The following MGAT4C variants were observed in gnomAD, a reference collection of about 807,000 sequenced individuals.
MGAT4C encodes alpha-1,3-mannosyl-glycoprotein 4-beta-N-acetylglucosaminyltransferase C.
Under a neutral mutation model 40.1 loss-of-function variants are expected in MGAT4C, and 19 were observed. The observed-to-expected ratio is 0.47, with a 90% CI of 0.33 to 0.70. The LOEUF is 0.70. Ranked by LOEUF, MGAT4C falls within the 30% of genes least tolerant of loss-of-function variation. The probability of loss-of-function intolerance (pLI) is 0.02; values close to 1 mark genes in which losing one functional copy is unlikely to be tolerated. For missense variants in MGAT4C, 491 were observed against 563.2 expected, an observed-to-expected ratio of 0.87 and a Z score of 1.30; for synonymous variants, 181 against 187.1, an observed-to-expected ratio of 0.97 and a Z score of 0.27.
intron 1 of MGAT4C, among the ~76,000 whole-genome samples, chr12:86,807,513 T>C (rs1274170877): frequency 6.6e-6 from 1 of 152,114 alleles, no homozygotes; most frequent in Non-Finnish European, 1.5e-5. Context: ...ATTTTTTTTA[T>C]CCAGTCTATC....
intron 2 of MGAT4C, among the ~76,000 whole-genome samples, chr12:86,721,149 T>C (rs549618023): frequency 6.6e-6 from 1 of 152,182 alleles, no homozygotes; most frequent in South Asian, 2.1e-4. Context: ...GTGGCAAGTG[T>C]GAAATAATCA....
chr12:86,683,174 T>A lies in MGAT4C; in HGVS notation c.-229+44035A>T, dbSNP rs773219714. Among the ~76,000 whole-genome samples, 36 of 152,038 alleles carry A rather than the reference T, an allele frequency of 2.4e-4. 1 individual carries two copies. The highest frequency in any genetic ancestry group is 6.2e-4 in the South Asian group (3 of 4,810). On this transcript the variant is annotated intron_variant, in intron 2 of 7. Coordinates refer to the MGAT4C transcript ENST00000548651. ...AATTGACATAAAATACCTCATAGGG[T>A]GGGGTTAAAAGTATTAAATGACTAA...
At chr12:86,775,997 T>A (rs1951742387) in intron 1 of MGAT4C, among the ~76,000 whole-genome samples, 1 of 152,046 alleles carries the variant, frequency 6.6e-6, no homozygotes, top group Non-Finnish European at 1.5e-5. Context: ...CTTATGACTT[T>A]TAAAATTTCA....
intron 3 of MGAT4C, among the ~76,000 whole-genome samples, chr12:86,347,757 T>A (rs1955071792): frequency 6.6e-6 from 1 of 152,192 alleles, no homozygotes; most frequent in South Asian, 2.1e-4. Flanking sequence ...AATCGGACCA[T>A]AAGCATAGTC....
At chr12:86,357,131 G>A (rs1453526269) in intron 3 of MGAT4C, among the ~76,000 whole-genome samples, 1 of 152,184 alleles carries the variant, frequency 6.6e-6, no homozygotes, top group East Asian at 1.9e-4. Context: ...AGCTTCCAGA[G>A]GAAGGAACAG....
At chr12:86,702,413 G>A (rs1950379219) in intron 2 of MGAT4C, among the ~76,000 whole-genome samples, 1 of 152,124 alleles carries the variant, frequency 6.6e-6, no homozygotes, top group African/African-American at 2.4e-5. Context: ...TCATATCTAT[G>A]AAGGAAAAGT....
chr12:86,331,314 G>T (rs1954663016), intron 4 of MGAT4C, among the ~76,000 whole-genome samples: 1 of 152,044 alleles, frequency 6.6e-6, no homozygotes, highest in Admixed American at 6.6e-5. Flanking sequence ...CACTTGGGAG[G>T]GGTTGCATGA....
At chr12:86,676,626 T>C (rs1369369003) in intron 2 of MGAT4C, among the ~76,000 whole-genome samples, 2 of 152,140 alleles carry the variant, frequency 1.3e-5, no homozygotes, top group Non-Finnish European at 2.9e-5. Flanking sequence ...TAATTGGCTA[T>C]CTTTTTAGGT....
intron 4 of MGAT4C, among the ~76,000 whole-genome samples, chr12:86,272,358 A>C (rs1196985789): frequency 6.6e-6 from 1 of 152,186 alleles, no homozygotes; most frequent in Non-Finnish European, 1.5e-5. Context: ...ATGTTGGTAC[A>C]CAGACATGTA....
chr12:86,140,096 T>G (rs954940901), intron 1 of MGAT4C, among the ~76,000 whole-genome samples: 2 of 152,170 alleles, frequency 1.3e-5, no homozygotes, highest in African/African-American at 2.4e-5. Flanking sequence ...TTAAATTTCT[T>G]TTTTCTGCCC....
chr12:86,095,271 C>T (rs2135580797), intron 1 of MGAT4C, among the ~76,000 whole-genome samples: 1 of 151,990 alleles, frequency 6.6e-6, no homozygotes, highest in South Asian at 2.1e-4. Flanking sequence ...GGAAAAATGC[C>T]CTACTTTAAA....
chr12:86,763,927 C>T (rs2136156063), intron 1 of MGAT4C, among the ~76,000 whole-genome samples: 1 of 152,268 alleles, frequency 6.6e-6, no homozygotes, highest in African/African-American at 2.4e-5. Flanking sequence ...CAGCTCCCAG[C>T]ATGAGCAACG....
intron 2 of MGAT4C, among the ~76,000 whole-genome samples, chr12:86,570,834 G>A (rs926948684): frequency 6.6e-6 from 1 of 151,950 alleles, no homozygotes; most frequent in Non-Finnish European, 1.5e-5. Context: ...TTTATTCAGA[G>A]ACAGAATCTC....
intron 1 of MGAT4C, among the ~76,000 whole-genome samples, chr12:86,803,287 C>A (rs950408431): frequency 1.6e-4 from 24 of 151,128 alleles, no homozygotes; most frequent in Non-Finnish European, 2.7e-4. Flanking sequence ...AAGATTTAAA[C>A]GTTAGACCTA....
chr12:86,419,461 T>A (rs967443076), intron 3 of MGAT4C, among the ~76,000 whole-genome samples: 30 of 151,590 alleles, frequency 2.0e-4, no homozygotes, highest in African/African-American at 7.3e-4. Context: ...AATTTAAATT[T>A]GAAAATTATA....
intron 3 of MGAT4C, among the ~76,000 whole-genome samples, chr12:86,399,208 G>T (rs2136234813): frequency 6.6e-6 from 1 of 152,122 alleles, no homozygotes; most frequent in Non-Finnish European, 1.5e-5. Flanking sequence ...TTGACCTCGT[G>T]GTCTGCCTGC....
At chr12:86,155,447 T>C (rs1209475440) in intron 1 of MGAT4C, among the ~76,000 whole-genome samples, 1 of 152,054 alleles carries the variant, frequency 6.6e-6, no homozygotes, top group Non-Finnish European at 1.5e-5. Flanking sequence ...AATAGATACA[T>C]TCGTAATGTG....
chr12:86,398,777 A>G (rs1274053334), intron 3 of MGAT4C, among the ~76,000 whole-genome samples: 1 of 151,870 alleles, frequency 6.6e-6, no homozygotes, highest in Non-Finnish European at 1.5e-5. Flanking sequence ...TTGGAGTTGG[A>G]CATAAAAAAA....
At chr12:86,544,279 G>A (rs1959182123) in intron 2 of MGAT4C, among the ~76,000 whole-genome samples, 1 of 151,980 alleles carries the variant, frequency 6.6e-6, no homozygotes, top group Non-Finnish European at 1.5e-5. Flanking sequence ...TTTCATGGAA[G>A]GTGACTAAAA....
Sources: gnomAD v4.1 joint callset for allele counts (sites outside exome capture counted in the v4.1 genomes callset) on GRCh38, gnomAD v4.1.1 for gene constraint, MANE v1.5 for transcripts, NCBI Gene and HGNC (gene_info 2026-07-23, HGNC 2026-07-21) for gene names.